Variants in CDH12 observed in about 807,000 individuals in gnomAD.
CDH12 encodes cadherin-12.
In CDH12, 41 loss-of-function variants were observed where a neutral mutation model predicts 74.1. The ratio of observed to expected loss-of-function variants is 0.55; its 90% CI spans 0.43 to 0.72. CDH12 has a LOEUF of 0.72. CDH12 is among the 30% of genes least tolerant of loss of function. The probability of loss-of-function intolerance (pLI) is 0.00; values close to 1 mark genes in which losing one functional copy is unlikely to be tolerated. For synonymous variants in CDH12, 399 were observed against 355.0 expected (o/e 1.12, Z -1.39); for missense variants, 945 against 977.2 (o/e 0.97, Z 0.44).
At chr5:22,788,863 C>T (rs1246786774) in intron 1 of CDH12, among the ~76,000 whole-genome samples, 1 of 151,784 alleles carries the variant, frequency 6.6e-6, no homozygotes, top group Non-Finnish European at 1.5e-5. Flanking sequence ...CGAATTTTCA[C>T]TCAAAGAGTC....
intron 5 of CDH12, among the ~76,000 whole-genome samples, chr5:22,015,162 T>G (rs1214783778): frequency 6.6e-6 from 1 of 152,154 alleles, no homozygotes; most frequent in Non-Finnish European, 1.5e-5. Context: ...TTTTGTTTAA[T>G]TAGGAGATGA....
At chr5:21,835,879 A>G (rs569355454) in intron 8 of CDH12, among the ~76,000 whole-genome samples, 16 of 151,956 alleles carry the variant, frequency 1.1e-4, no homozygotes, top group Admixed American at 8.5e-4. Flanking sequence ...ATGTATAGTT[A>G]TTGGCATATT....
At chr5:22,453,190 C>T (rs1317089383) in intron 2 of CDH12, among the ~76,000 whole-genome samples, 2 of 151,874 alleles carry the variant, frequency 1.3e-5, no homozygotes, top group Admixed American at 1.3e-4. Flanking sequence ...TCTTAAAAAG[C>T]TAAAAATAAA....
Position 21,916,330 on chromosome 5 carries a change from G to A in CDH12, c.526+58761C>T, listed in dbSNP as rs1044473260. 2.0e-4 allele frequency among the ~76,000 whole-genome samples: 30 copies of A among 152,152 alleles called. 1 individual carries two copies. Among genetic ancestry groups the A allele is most frequent in the Admixed American group, 7.2e-4 (11 of 15,274 alleles). ...GGTAAGTTTCATGTTTATTGAATGA[G>A]TTGGACTCAGAAAGGTCAAAATTAT... On this transcript the variant is annotated intron_variant, in intron 6 of 14. Transcript: ENST00000382254.
intron 1 of CDH12, among the ~76,000 whole-genome samples, chr5:22,526,420 G>A (rs182353601): frequency 5.1e-4 from 77 of 152,270 alleles, no homozygotes; most frequent in Non-Finnish European, 9.3e-4. Flanking sequence ...CCTGAAACAG[G>A]ACAATGAAGG....
intron 1 of CDH12, among the ~76,000 whole-genome samples, chr5:22,527,765 C>T (rs1737354225): frequency 1.3e-5 from 2 of 152,132 alleles, no homozygotes; most frequent in African/African-American, 4.8e-5. Flanking sequence ...ATTTGAATCT[C>T]GTTCTCCACA....
At position 21,890,567 on chromosome 5, in the gene CDH12, G is replaced by A. The variant is rs139063197; in HGVS notation, c.527-35777C>T. On this transcript the variant is annotated intron_variant, in intron 6 of 14. Transcript: ENST00000382254. ...CCTTCTGCTCAGTTTCAAATTCAAT[G>A]GAGGGGGATAAAAATAATTATGTGT... Among the ~76,000 whole-genome samples the A allele has an allele frequency of 5.7e-3, 864 of 152,136 alleles. 8 individuals are homozygous for A. Among genetic ancestry groups the A allele is most frequent in the African/African-American group, 0.02 (818 of 41,506 alleles).
At chr5:22,152,143 C>T (rs1561166099) in intron 4 of CDH12, 4 of 151,956 alleles carry the variant, frequency 2.6e-5, no homozygotes, top group South Asian at 4.2e-4. Flanking sequence ...GCAAAGTAGA[C>T]ACTTGGTCTC....
At chr5:22,340,286 G>A (rs1739786341) in intron 3 of CDH12, among the ~76,000 whole-genome samples, 1 of 152,138 alleles carries the variant, frequency 6.6e-6, no homozygotes, top group Admixed American at 6.5e-5. Context: ...CAGCACTTTG[G>A]GAGGCTGAGG....
At chr5:21,880,408 G>C (rs1379143473) in intron 6 of CDH12, among the ~76,000 whole-genome samples, 2 of 152,128 alleles carry the variant, frequency 1.3e-5, no homozygotes, top group African/African-American at 4.8e-5. Flanking sequence ...GATCATCCCA[G>C]CACTGGGGTG....
intron 4 of CDH12, among the ~76,000 whole-genome samples, chr5:22,149,013 G>A (rs1172981590): frequency 1.3e-5 from 2 of 152,184 alleles, no homozygotes; most frequent in African/African-American, 4.8e-5. Flanking sequence ...AGCTACTGGG[G>A]AGGCTGAGGC....
intron 1 of CDH12, among the ~76,000 whole-genome samples, chr5:22,788,188 T>C (rs1561031267): frequency 6.6e-6 from 1 of 152,210 alleles, no homozygotes; most frequent in Non-Finnish European, 1.5e-5. Context: ...GTGAGTCTCA[T>C]CTGCAGTAGT....
chr5:22,599,493 T>A (rs1736752593), intron 1 of CDH12, among the ~76,000 whole-genome samples: 1 of 152,088 alleles, frequency 6.6e-6, no homozygotes, highest in Admixed American at 6.6e-5. Flanking sequence ...AAATATATCC[T>A]CCCTTTTGAA....
At chr5:21,883,129 A>G (rs559421876) in intron 6 of CDH12, 1 of 1,570,726 alleles carries the variant, frequency 6.4e-7, no homozygotes, top group Admixed American at 1.7e-5. Context: ...AATGGAGACA[A>G]AGAAATTGGC....
chr5:22,563,590 C>T (rs1239060073), intron 1 of CDH12, among the ~76,000 whole-genome samples: 3 of 152,052 alleles, frequency 2.0e-5, no homozygotes, highest in Admixed American at 2.0e-4. Flanking sequence ...TACCACTCTC[C>T]CATATTCTAG....
At chr5:22,318,911 T>A (rs1033038278) in intron 3 of CDH12, among the ~76,000 whole-genome samples, 7 of 152,172 alleles carry the variant, frequency 4.6e-5, no homozygotes, top group Non-Finnish European at 7.4e-5. Context: ...GCTTTGCTCA[T>A]CTAATGTATG....
At chr5:21,923,731 A>G (rs1579968302) in intron 6 of CDH12, among the ~76,000 whole-genome samples, 1 of 152,270 alleles carries the variant, frequency 6.6e-6, no homozygotes, top group East Asian at 1.9e-4. Flanking sequence ...GTGTGCTTCA[A>G]AGAGGGATAG....
chr5:22,664,218 G>A (rs1381538006), intron 1 of CDH12, among the ~76,000 whole-genome samples: 1 of 152,142 alleles, frequency 6.6e-6, no homozygotes, highest in African/African-American at 2.4e-5. Context: ...AGATAGCAAT[G>A]TTGTATTAGT....
At chr5:21,765,541 CAA>C (rs200367776) in intron 11 of CDH12, among the ~76,000 whole-genome samples, 48 of 83,802 alleles carry the variant, frequency 5.7e-4, no homozygotes, top group Middle Eastern at 7.4e-3. Context: ...AGAACTATAA[CAA>C]AAAAAAAAAA....
Sources: gnomAD v4.1 joint callset for allele counts (sites outside exome capture counted in the v4.1 genomes callset) on GRCh38, gnomAD v4.1.1 for gene constraint, MANE v1.5 for transcripts, NCBI Gene and HGNC (gene_info 2026-07-23, HGNC 2026-07-21) for gene names.